Variants in TM9SF2 observed in about 807,000 individuals in gnomAD.
TM9SF2 encodes 76 kDa membrane protein.
Under a neutral mutation model 84.9 loss-of-function variants are expected in TM9SF2, and 13 were observed. That is an observed-to-expected ratio of 0.15 (90% CI 0.10 to 0.24). The LOEUF is 0.24. Among genes scored for constraint, TM9SF2 ranks in the 10% least tolerant of loss-of-function variants. The pLI, the probability that TM9SF2 is intolerant of heterozygous loss-of-function variation, is 1.00. For synonymous variants in TM9SF2, 273 were observed against 285.8 expected (o/e 0.96, Z 0.45); for missense variants, 562 against 818.5 (o/e 0.69, Z 3.82).
intron 2 of TM9SF2, among the ~76,000 whole-genome samples, chr13:99,518,703 C>A (rs2046145461): frequency 6.6e-6 from 1 of 151,626 alleles, no homozygotes; most frequent in Non-Finnish European, 1.5e-5. Context: ...CTTAGGTGAT[C>A]CTCTCATCTC....
intron 1 of TM9SF2, among the ~76,000 whole-genome samples, chr13:99,505,394 A>G (rs1409794293): frequency 6.6e-6 from 1 of 152,124 alleles, no homozygotes; most frequent in Non-Finnish European, 1.5e-5. Context: ...CTCTCAGGTG[A>G]TTCACCCACT....
intron 1 of TM9SF2, among the ~76,000 whole-genome samples, chr13:99,504,453 C>T (rs2046080330): frequency 6.6e-6 from 1 of 152,066 alleles, no homozygotes; most frequent in African/African-American, 2.4e-5. Flanking sequence ...AGGAAAAGTG[C>T]AATATTTGTC....
At chr13:99,512,147 A>C (rs2139072748) in intron 1 of TM9SF2, among the ~76,000 whole-genome samples, 1 of 152,242 alleles carries the variant, frequency 6.6e-6, no homozygotes, top group Middle Eastern at 3.4e-3. Context: ...TTTCACAGAA[A>C]CCCTTATGCT....
chr13:99,536,384 A>C (rs1384764236), intron 4 of TM9SF2, among the ~76,000 whole-genome samples: 1 of 151,480 alleles, frequency 6.6e-6, no homozygotes, highest in Non-Finnish European at 1.5e-5. Flanking sequence ...ACACCACTGC[A>C]CTCGGACCAG....
At chr13:99,553,908 A>G (rs909365051) in intron 13 of TM9SF2, among the ~76,000 whole-genome samples, 1 of 152,226 alleles carries the variant, frequency 6.6e-6, no homozygotes, top group African/African-American at 2.4e-5. Context: ...CGCACCTCCA[A>G]ATAAAAATAC....
At chr13:99,513,017 A>G (rs1269643394) in intron 1 of TM9SF2, among the ~76,000 whole-genome samples, 1 of 152,252 alleles carries the variant, frequency 6.6e-6, no homozygotes, top group Non-Finnish European at 1.5e-5. Flanking sequence ...GAGACAGCAA[A>G]AAGTAAATTA....
At chr13:99,546,533 A>G (rs2046283304) in intron 10 of TM9SF2, among the ~76,000 whole-genome samples, 1 of 149,730 alleles carries the variant, frequency 6.7e-6, no homozygotes, top group South Asian at 2.1e-4. Context: ...TAGATTATAT[A>G]TGTCTCTTCT....
At chr13:99,515,396 A>G (rs1261464717) in intron 1 of TM9SF2, among the ~76,000 whole-genome samples, 1 of 152,234 alleles carries the variant, frequency 6.6e-6, no homozygotes, top group East Asian at 1.9e-4. Context: ...TATTTGTGTT[A>G]ATTCAAGCAT....
intron 2 of TM9SF2, among the ~76,000 whole-genome samples, chr13:99,518,466 T>A (rs2046144406): frequency 6.6e-6 from 1 of 152,256 alleles, no homozygotes; most frequent in Non-Finnish European, 1.5e-5. Context: ...ATTGTGGGCA[T>A]CTTTCCATGT....
chr13:99,518,631 C>G (rs1411216182), intron 2 of TM9SF2, among the ~76,000 whole-genome samples: 1 of 152,090 alleles, frequency 6.6e-6, no homozygotes, highest in Non-Finnish European at 1.5e-5. Flanking sequence ...AGGTCTTGCT[C>G]TGTTGCCCAG....
At chr13:99,558,886 G>A (rs1333138220) in intron 15 of TM9SF2, among the ~76,000 whole-genome samples, 6 of 152,176 alleles carry the variant, frequency 3.9e-5, no homozygotes, top group Non-Finnish European at 8.8e-5. Flanking sequence ...AAAGCAAGAA[G>A]AGCTATTTTA....
chr13:99,521,571 A>G (rs2046160306), intron 3 of TM9SF2, among the ~76,000 whole-genome samples: 1 of 152,072 alleles, frequency 6.6e-6, no homozygotes, highest in Non-Finnish European at 1.5e-5. Context: ...TCATCTCACC[A>G]ACCGTCTTAC....
In TM9SF2 at chr13:99,552,538, T is replaced by A. The variant is rs1269013258; in HGVS notation, c.1488+212T>A. 2.6e-5 allele frequency among the ~76,000 whole-genome samples: 4 copies of A among 152,322 alleles called. No homozygotes were observed. In the East Asian group the frequency reaches 7.7e-4, roughly 29 times the overall value. ...TAGGTTTCAAAGTTTTTTAAGTGAATAGAAGCTAATATAGATTAATTGGGA... is the reference window on the plus strand; with the variant it reads ...TAGGTTTCAAAGTTTTTTAAGTGAAAAGAAGCTAATATAGATTAATTGGGA... On this transcript the variant is annotated intron_variant, in intron 13 of 16. Transcript: ENST00000376387.
At chr13:99,552,068 A>G (rs910140978) in intron 12 of TM9SF2, 99 bp from the exon 13 acceptor site, 1 of 1,124,090 alleles carries the variant, frequency 8.9e-7, no homozygotes, top group South Asian at 1.7e-5. Flanking sequence ...CTTTCTTTGT[A>G]TATATATATT....
intron 4 of TM9SF2, among the ~76,000 whole-genome samples, chr13:99,529,819 A>G (rs2046200486): frequency 6.6e-6 from 1 of 152,160 alleles, no homozygotes; most frequent in Non-Finnish European, 1.5e-5. Context: ...AATATCTGGT[A>G]CTTCTTTTGA....
At chr13:99,552,627 G>A (rs770636170) in intron 13 of TM9SF2, among the ~76,000 whole-genome samples, 1 of 150,394 alleles carries the variant, frequency 6.6e-6, no homozygotes, top group Non-Finnish European at 1.5e-5. Flanking sequence ...ATTTAGAGAT[G>A]GAGTCTCATT....
intron 1 of TM9SF2, among the ~76,000 whole-genome samples, chr13:99,514,945 A>C (rs1475390175): frequency 6.6e-6 from 1 of 152,258 alleles, no homozygotes; most frequent in Admixed American, 6.5e-5. Flanking sequence ...TGTTCTACAG[A>C]TCAGAACGTT....
At chr13:99,509,544 T>C (rs2046104340) in intron 1 of TM9SF2, among the ~76,000 whole-genome samples, 1 of 152,220 alleles carries the variant, frequency 6.6e-6, no homozygotes, top group African/African-American at 2.4e-5. Context: ...GACTTACGGC[T>C]TGCATTCTGT....
At chr13:99,515,212 C>T (rs915154196) in intron 1 of TM9SF2, among the ~76,000 whole-genome samples, 3 of 152,140 alleles carry the variant, frequency 2.0e-5, no homozygotes, top group South Asian at 2.1e-4. Context: ...AGAAGGAAAT[C>T]GAGAGATAGG....
Sources: gnomAD v4.1 joint callset for allele counts (sites outside exome capture counted in the v4.1 genomes callset) on GRCh38, gnomAD v4.1.1 for gene constraint, MANE v1.5 for transcripts, NCBI Gene and HGNC (gene_info 2026-07-23, HGNC 2026-07-21) for gene names.